Variants in CALHM4 observed in about 807,000 individuals in gnomAD.
CALHM4 encodes calcium homeostasis modulator protein 4.
A neutral mutation model predicts 13.3 loss-of-function variants in CALHM4; 16 were observed. The observed-to-expected ratio is 1.20, with a 90% CI of 0.81 to 1.82. CALHM4 has a LOEUF of 1.82. CALHM4 is among the 40% of genes most tolerant of loss of function. The probability of loss-of-function intolerance (pLI) is 0.00; values close to 1 mark genes in which losing one functional copy is unlikely to be tolerated. For missense variants in CALHM4, 344 were observed against 374.9 expected, an observed-to-expected ratio of 0.92 and a Z score of 0.68; for synonymous variants, 127 against 137.1, an observed-to-expected ratio of 0.93 and a Z score of 0.52.
At chr6:116,548,436 A>G (rs1773905831) in intron 2 of CALHM4, among the ~76,000 whole-genome samples, 1 of 152,252 alleles carries the variant, frequency 6.6e-6, no homozygotes, top group African/African-American at 2.4e-5. Context: ...CAAGTTACAC[A>G]TTGGCACTGC....
chr6:116,530,070 G>T (rs964764242), intron 1 of CALHM4, among the ~76,000 whole-genome samples: 3 of 152,044 alleles, frequency 2.0e-5, no homozygotes, highest in Admixed American at 6.6e-5. Context: ...ATTACATCTA[G>T]ACTTAGACCC....
chr6:116,550,337 G>A (rs1334068518), upstream of CALHM4, among the ~76,000 whole-genome samples: 1 of 152,036 alleles, frequency 6.6e-6, no homozygotes, highest in South Asian at 2.1e-4. Context: ...CTGGAACAGT[G>A]GTTAAAAGCA....
At chr6:116,545,621 C>A in intron 2 of CALHM4, 2 of 989,372 alleles carry the variant, frequency 2.0e-6, no homozygotes, top group East Asian at 2.8e-5. Flanking sequence ...AGCTCTTCCT[C>A]GCTTTGAGAC....
chr6:116,534,887 A>G (rs1383567028), intron 1 of CALHM4, among the ~76,000 whole-genome samples: 1 of 152,160 alleles, frequency 6.6e-6, no homozygotes, highest in Non-Finnish European at 1.5e-5. Flanking sequence ...AAGTTTTTTA[A>G]GTCTTTTTAT....
rs750998850 is a variant in CALHM4, at chr6:116,557,920, T to C, written c.654T>C (p.His218=). ...KCCSPLTSLQ[H]CYWTSHLQNE... is the part of the protein sequence containing the mutation. Reference sequence around the variant, plus strand: ...GCTCTCCCCTCACCTCTCTGCAACATTGCTACTGGACCAGCCACCTCCAGA... The same window carrying C: ...GCTCTCCCCTCACCTCTCTGCAACACTGCTACTGGACCAGCCACCTCCAGA... The change falls in exon 2 of 2, where the codon CAT becomes CAC. Residue 218 remains histidine, a synonymous_variant. Coordinates refer to ENST00000368596, the MANE Select transcript of CALHM4 (RefSeq NM_001366078.2). 2.5e-6 allele frequency: 4 copies of C among 1,614,162 alleles called. No homozygotes were observed. The highest frequency in any genetic ancestry group is 1.1e-5 in the South Asian group (1 of 91,088).
intron 1 of CALHM4, among the ~76,000 whole-genome samples, chr6:116,536,096 A>G (rs1547028): frequency 0.38 from 57,287 of 152,076 alleles, 12,430 homozygotes; most frequent in East Asian, 0.54. Flanking sequence ...TTCAAAATAA[A>G]TTAGTATGTC....
intron 1 of CALHM4, 76 bp from the exon 2 acceptor site, chr6:116,557,748 TC>T (rs1037844254): frequency 1.3e-6 from 2 of 1,493,226 alleles, no homozygotes; most frequent in African/African-American, 1.4e-5. Flanking sequence ...TTTGTAGGAA[TC>T]CCCCCTCCCA....
chr6:116,538,692 C>T (rs1190216840), intron 1 of CALHM4, among the ~76,000 whole-genome samples: 1 of 151,896 alleles, frequency 6.6e-6, no homozygotes, highest in Non-Finnish European at 1.5e-5. Flanking sequence ...CAATGCTCTA[C>T]CGCCTTATTA....
At chr6:116,539,066 CTG>C (rs1773275037) in intron 1 of CALHM4, among the ~76,000 whole-genome samples, 1 of 152,138 alleles carries the variant, frequency 6.6e-6, no homozygotes, top group Non-Finnish European at 1.5e-5. Flanking sequence ...TATAGAGAGA[CTG>C]TGTCTTACTA....
Position 116,558,296 on chromosome 6 carries a change from T to G in CALHM4, c.*85T>G. Reference sequence around the variant, plus strand: ...GATCAGGCCATTTCAATGTAATCTCTTCATCTTTTTCTTTCTCTCTGATAT... The same window carrying G: ...GATCAGGCCATTTCAATGTAATCTCGTCATCTTTTTCTTTCTCTCTGATAT... On this transcript the variant is annotated 3_prime_UTR_variant, in exon 2 of 2. Coordinates refer to ENST00000368596, the MANE Select transcript of CALHM4 (RefSeq NM_001366078.2). The G allele has an allele frequency of 5.2e-6, 7 of 1,340,856 alleles. No homozygotes were observed. The highest frequency in any genetic ancestry group is 7.0e-6 in the Non-Finnish European group (7 of 995,434). 83.1% of individuals were successfully genotyped at this position (1,340,856 alleles called of 1,614,324 possible).
intron 1 of CALHM4, among the ~76,000 whole-genome samples, chr6:116,530,391 A>C (rs967126947): frequency 6.6e-6 from 1 of 152,200 alleles, no homozygotes; most frequent in Non-Finnish European, 1.5e-5. Flanking sequence ...TGTCAAGAGA[A>C]AGGACTGAAA....
At chr6:116,529,240 C>T (rs1052179689) in intron 1 of CALHM4, 10 of 152,238 alleles carry the variant, frequency 6.6e-5, no homozygotes, top group African/African-American at 2.2e-4. Flanking sequence ...GGACTCTGTT[C>T]CGTTCCAATA....
In CALHM4 at chr6:116,560,665, C is replaced by T. The variant is rs1444472482; in HGVS notation, c.*2454C>T. Among the ~76,000 whole-genome samples, 1 of 108,456 alleles carries T rather than the reference C, an allele frequency of 9.2e-6. No individual in the cohort carries two copies. The highest frequency in any genetic ancestry group is 3.8e-5 in the African/African-American group (1 of 25,990). The allele number at this position is 108,456 out of a possible 152,430, so 71.2% of individuals were successfully genotyped here. A position where few individuals can be genotyped will look rare whatever the true frequency, so the allele number is the denominator to read the frequency against. ...TTTAGTATTTTGGGGGGGGGGGGGG[C>T]TATGGTCTATAGCATTTTTTTGCTC... On this transcript the variant is annotated 3_prime_UTR_variant, in exon 2 of 2. Transcript: ENST00000368596.
chr6:116,557,284 C>T lies in CALHM4; in HGVS notation c.559-541C>T, dbSNP rs951612832. ...TTAGAAACATGAGTCTCTTCACTGA[C>T]TTGCTTTTTAGCTGCAAAAGATAAG... On this transcript the variant is annotated intron_variant, in intron 1 of 1. Coordinates refer to ENST00000368596, the MANE Select transcript of CALHM4 (RefSeq NM_001366078.2). Among the ~76,000 whole-genome samples the T allele has an allele frequency of 7.2e-5, 11 of 152,128 alleles. No individual in the cohort carries two copies. The East Asian group carries it at 7.7e-4, about 11-fold the overall frequency.
intron 1 of CALHM4, among the ~76,000 whole-genome samples, chr6:116,532,308 C>A (rs547426259): frequency 1.3e-5 from 2 of 152,232 alleles, no homozygotes; most frequent in Non-Finnish European, 2.9e-5. Context: ...GCTATATTGC[C>A]CAGGCAGGTC....
chr6:116,530,612 A>C (rs990750672), intron 1 of CALHM4, among the ~76,000 whole-genome samples: 1 of 151,820 alleles, frequency 6.6e-6, no homozygotes, highest in African/African-American at 2.4e-5. Flanking sequence ...TGTCTGCCCC[A>C]CTCTTGCTAA....
At chr6:116,550,333 C>T (rs6568947), upstream of CALHM4, among the ~76,000 whole-genome samples, 101,048 of 151,828 alleles carry the variant, frequency 0.67, 33,890 homozygotes, top group East Asian at 0.89. Flanking sequence ...AGTTCTGGAA[C>T]AGTGGTTAAA....
intron 2 of CALHM4, among the ~76,000 whole-genome samples, chr6:116,547,654 G>A (rs1244434506): frequency 1.3e-5 from 2 of 152,154 alleles, no homozygotes; most frequent in African/African-American, 4.8e-5. Flanking sequence ...CTTTTTTAAT[G>A]TAAATGTACT....
intron 2 of CALHM4, chr6:116,543,881 C>A (rs1773610370): frequency 6.5e-6 from 10 of 1,528,938 alleles, no homozygotes; most frequent in Non-Finnish European, 8.7e-6. Flanking sequence ...TTGTGAGTTT[C>A]TTTTCTTTTT....
Sources: gnomAD v4.1 joint callset for allele counts (sites outside exome capture counted in the v4.1 genomes callset) on GRCh38, gnomAD v4.1.1 for gene constraint, MANE v1.5 for transcripts, NCBI Gene and HGNC (gene_info 2026-07-23, HGNC 2026-07-21) for gene names.